Variants in GRIK3 observed in about 807,000 individuals in gnomAD.
The protein encoded by GRIK3 is glutamate ionotropic receptor kainate type subunit 3, also known as glutamate receptor ionotropic, kainate 3.
Under a neutral mutation model 102.5 loss-of-function variants are expected in GRIK3, and 29 were observed. The observed-to-expected ratio is 0.28, with a 90% CI of 0.21 to 0.39. The LOEUF (loss-of-function observed/expected upper bound fraction) is 0.39. Ranked by LOEUF, GRIK3 falls within the 10% of genes least tolerant of loss-of-function variation. The pLI is 1.00. For synonymous variants in GRIK3, 511 were observed against 504.9 expected (o/e 1.01, Z -0.16); for missense variants, 908 against 1,252.4 (o/e 0.73, Z 4.15).
At chr1:37,026,609 T>C (rs1642766793) in intron 1 of GRIK3, among the ~76,000 whole-genome samples, 1 of 152,206 alleles carries the variant, frequency 6.6e-6, no homozygotes, top group Non-Finnish European at 1.5e-5. Flanking sequence ...ATGCAGACAA[T>C]ACTGTAAGGG....
chr1:36,808,808 T>C (rs956732488), intron 13 of GRIK3, among the ~76,000 whole-genome samples: 5 of 152,222 alleles, frequency 3.3e-5, no homozygotes, highest in African/African-American at 9.6e-5. Context: ...AGATAACTTA[T>C]ACACCCTCTC....
intron 10 of GRIK3, among the ~76,000 whole-genome samples, chr1:36,841,089 C>T (rs1164419128): frequency 1.3e-5 from 2 of 152,130 alleles, no homozygotes; most frequent in Non-Finnish European, 2.9e-5. Flanking sequence ...GGTGGTGTCT[C>T]CAGCCTGTGG....
rs771026654 is a variant in GRIK3, at chr1:36,880,667, G to A, written c.517C>T (p.Arg173Trp). 2 of 1,614,002 alleles carry A rather than the reference G, an allele frequency of 1.2e-6. No individual in the cohort carries two copies. The highest frequency in any genetic ancestry group is 1.1e-5 in the South Asian group (1 of 91,080). The change falls in exon 3 of 16, where the codon CGG (arginine) becomes TGG (tryptophan). Residue 173 changes from arginine to tryptophan, a missense_variant. Around this residue, in one of 3 missense-constraint regions of GRIK3, gnomAD observed 585 missense variants for 824.9 expected, o/e 0.71. Transcript: ENST00000373091. The surrounding 1 kb of genome is among the most constrained non-coding windows in gnomAD (Gnocchi z 5.4). ...ILDLVQYLKW[R>W]SATVVYDDST... ...TCGTCATAGACCACGGTGGCTGACC[G>A]CCACTTGAGGTACTGGACCAGGTCG... is the stretch of plus-strand genomic sequence containing the variant.
chr1:36,868,092 T>G (rs1285341095), intron 5 of GRIK3, among the ~76,000 whole-genome samples: 1 of 151,844 alleles, frequency 6.6e-6, no homozygotes, highest in Non-Finnish European at 1.5e-5. Flanking sequence ...GGTCCAGGAG[T>G]TGCTCTCAGC....
intron 1 of GRIK3, among the ~76,000 whole-genome samples, chr1:37,003,359 C>T (rs1642498410): frequency 6.6e-6 from 1 of 152,140 alleles, no homozygotes; most frequent in Non-Finnish European, 1.5e-5. Flanking sequence ...CAGCCAATGG[C>T]CCAAATTATA....
intron 1 of GRIK3, among the ~76,000 whole-genome samples, chr1:36,934,990 G>C (rs1017411213): frequency 6.6e-6 from 1 of 152,150 alleles, no homozygotes; most frequent in Non-Finnish European, 1.5e-5. Context: ...GAGTAATTTA[G>C]CTCTTTCTTA....
At chr1:36,944,713 T>C in intron 1 of GRIK3, among the ~76,000 whole-genome samples, 1 of 151,880 alleles carries the variant, frequency 6.6e-6, no homozygotes, top group African/African-American at 2.4e-5. Context: ...CTGAGTGTGG[T>C]GGTTAGGGGT....
At chr1:37,012,796 T>A (rs185448123) in intron 1 of GRIK3, among the ~76,000 whole-genome samples, 50 of 152,306 alleles carry the variant, frequency 3.3e-4, no homozygotes, top group Admixed American at 9.2e-4. Context: ...TGAGCCTCAG[T>A]TTCTTCATGT....
chr1:36,930,266 G>C (rs141629450), intron 1 of GRIK3, among the ~76,000 whole-genome samples: 3 of 152,188 alleles, frequency 2.0e-5, no homozygotes, highest in African/African-American at 7.2e-5. Flanking sequence ...CTGGAACTTG[G>C]TGATAGGTGT....
At chr1:37,019,013 T>C (rs1225446049) in intron 1 of GRIK3, among the ~76,000 whole-genome samples, 1 of 152,118 alleles carries the variant, frequency 6.6e-6, no homozygotes, top group Non-Finnish European at 1.5e-5. Context: ...AGAACAGCCA[T>C]GTCCAGGAAA....
At chr1:36,843,937 C>T (rs1640490454) in intron 9 of GRIK3, among the ~76,000 whole-genome samples, 1 of 152,232 alleles carries the variant, frequency 6.6e-6, no homozygotes, top group South Asian at 2.1e-4. Context: ...CTGGCGGGGC[C>T]ATTCCCTTGA....
chr1:36,805,994 CT>C (rs976550672), intron 14 of GRIK3, 109 bp downstream of exon 14: 325 of 584,278 alleles, frequency 5.6e-4, no homozygotes, highest in Non-Finnish European at 7.3e-4. Flanking sequence ...AAAACGTCAC[CT>C]TTATCAGCCC....
chr1:36,861,945 G>A (rs996570971), intron 5 of GRIK3, among the ~76,000 whole-genome samples: 1 of 152,110 alleles, frequency 6.6e-6, no homozygotes, highest in Non-Finnish European at 1.5e-5. Flanking sequence ...AGGGAGTGGG[G>A]GGTGGCAGTG....
chr1:36,817,245 G>A lies in GRIK3; in HGVS notation c.1906C>T (p.Arg636Cys), dbSNP rs751498132. 24 of 1,613,130 alleles carry A rather than the reference G, an allele frequency of 1.5e-5. No homozygotes were observed. The highest frequency in any genetic ancestry group is 2.7e-5 in the African/African-American group (2 of 74,888). ...AACCACCAGATGCCACCAATGATGC[G>A]TGTGGACAGGGCTTTGGGCATCAGC... ...SELMPKALSTRIIGGIWWFFT... is the reference protein window; with the variant it reads ...SELMPKALSTCIIGGIWWFFT... Residue 636 changes from arginine (R) to cysteine (C), a missense_variant, in exon 13 of 16, where the codon CGC (arginine) becomes TGC (cysteine). Transcript: ENST00000373091.
intron 14 of GRIK3, 143 bp downstream of exon 14, chr1:36,805,961 A>AG: frequency 2.1e-6 from 1 of 474,894 alleles, no homozygotes; most frequent in Non-Finnish European, 3.6e-6. Context: ...AAAAAAAAAA[A>AG]GAAAAGAACA....
At position 36,869,867 on chromosome 1, in the gene GRIK3, C is replaced by G. The variant is rs966674121; in HGVS notation, c.733-66G>C. On this transcript the variant is annotated intron_variant, in intron 4 of 15. Transcript: ENST00000373091. The stretch of plus-strand genomic sequence containing the variant: ...TGGGCAGCCCTCCCCACATCCCCAC[C>G]CAGGGCTGAGAATGGGACTGGCAGT... The G allele has an allele frequency of 6.7e-6, 8 of 1,192,280 alleles. No homozygotes were observed. The Admixed American group carries it at 1.0e-4, about 15-fold the overall frequency. 73.9% of individuals were successfully genotyped at this position (1,192,280 alleles called of 1,614,324 possible).
At chr1:36,975,180 C>T (rs1485456481) in intron 1 of GRIK3, among the ~76,000 whole-genome samples, 16 of 151,400 alleles carry the variant, frequency 1.1e-4, no homozygotes, top group Admixed American at 1.1e-3. Flanking sequence ...CACAATAAAA[C>T]ATTTTTTAAA....
At chr1:37,030,961 C>T (rs1642821447) in intron 1 of GRIK3, among the ~76,000 whole-genome samples, 1 of 152,118 alleles carries the variant, frequency 6.6e-6, no homozygotes, top group Admixed American at 6.5e-5. Context: ...AAACCCAGAC[C>T]TCCTGGCTCC....
chr1:36,940,595 G>T (rs1641708014), intron 1 of GRIK3, among the ~76,000 whole-genome samples: 1 of 152,222 alleles, frequency 6.6e-6, no homozygotes, highest in Non-Finnish European at 1.5e-5. Flanking sequence ...TACGAGTCTT[G>T]CTGCATTGTG....
Sources: gnomAD v4.1 joint callset for allele counts (sites outside exome capture counted in the v4.1 genomes callset) on GRCh38, gnomAD v4.1.1 for gene constraint, gnomAD v4.1.1 regional missense constraint, Gnocchi (gnomAD v3.1) non-coding constraint, MANE v1.5 for transcripts, NCBI Gene and HGNC (gene_info 2026-07-23, HGNC 2026-07-21) for gene names.